Variants in KANSL1L observed in about 807,000 individuals in gnomAD.
KANSL1L encodes the protein KAT8 regulatory NSL complex subunit 1-like protein.
Under a neutral mutation model 108.6 loss-of-function variants are expected in KANSL1L, and 25 were observed. The ratio of observed to expected loss-of-function variants is 0.23; its 90% CI spans 0.17 to 0.32. The LOEUF is 0.32. KANSL1L is among the 10% of genes least tolerant of loss of function. KANSL1L has a pLI of 1.00. For missense variants in KANSL1L, 1,137 were observed against 1,125.7 expected (o/e 1.01, Z -0.14); for synonymous variants, 405 against 395.1 (o/e 1.03, Z -0.30).
At chr2:210,108,563 C>T (rs1008967021) in intron 3 of KANSL1L, among the ~76,000 whole-genome samples, 1 of 152,152 alleles carries the variant, frequency 6.6e-6, no homozygotes, top group Non-Finnish European at 1.5e-5. Context: ...AACCCACTTT[C>T]TTTGAAATAT....
In KANSL1L at chr2:210,156,261, C is replaced by T. The variant is rs1480959985; in HGVS notation, c.-29-1650G>A. ...CCAAACTGATAAAAATTTTTTTTTT[C>T]TGAAAACATCACATACATATCATGA... On this transcript the variant is annotated intron_variant, in intron 1 of 14. Coordinates refer to ENST00000281772, the MANE Select transcript of KANSL1L (RefSeq NM_152519.4). 2.0e-5 allele frequency among the ~76,000 whole-genome samples: 3 copies of T among 151,458 alleles called. No homozygotes were observed. The East Asian group carries it at 5.8e-4, about 29-fold the overall frequency.
intron 3 of KANSL1L, among the ~76,000 whole-genome samples, chr2:210,111,686 A>C (rs541009883): frequency 6.6e-6 from 1 of 152,302 alleles, no homozygotes; most frequent in East Asian, 1.9e-4. Flanking sequence ...CAGAACATCA[A>C]ATAAACAAGA....
chr2:210,127,417 G>C (rs1392121220), intron 3 of KANSL1L, among the ~76,000 whole-genome samples: 1 of 152,040 alleles, frequency 6.6e-6, no homozygotes, highest in Admixed American at 6.6e-5. Flanking sequence ...CAAAGGCACA[G>C]GTAATAAAAG....
Position 210,031,562 on chromosome 2 carries a change from A to G in KANSL1L, c.2030-16T>C. The G allele has an allele frequency of 1.4e-6, 2 of 1,465,470 alleles. No individual in the cohort carries two copies. Among genetic ancestry groups the G allele is most frequent in the Non-Finnish European group, 1.8e-6 (2 of 1,081,152 alleles). 90.8% of individuals were successfully genotyped at this position (1,465,470 alleles called of 1,614,324 possible). Reference sequence around the variant, plus strand: ...GTACTATGTACTAAAACAAATGAAAAGGAAATATTAAGTTTTAGTTCCTTA... The same window carrying G: ...GTACTATGTACTAAAACAAATGAAAGGGAAATATTAAGTTTTAGTTCCTTA... On this transcript the variant is annotated splice_polypyrimidine_tract_variant and intron_variant, in intron 8 of 14. Coordinates refer to ENST00000281772, the MANE Select transcript of KANSL1L (RefSeq NM_152519.4).
At chr2:210,061,182 T>G (rs2094416142) in intron 6 of KANSL1L, among the ~76,000 whole-genome samples, 1 of 152,254 alleles carries the variant, frequency 6.6e-6, no homozygotes, top group African/African-American at 2.4e-5. Context: ...TAGACTGCCC[T>G]AACTCAAAAT....
rs543964016 is a variant in KANSL1L at position 210,057,699 on chromosome 2, A to C, written c.1756-13595T>G. On this transcript the variant is annotated intron_variant, in intron 6 of 14. Coordinates refer to ENST00000281772, the MANE Select transcript of KANSL1L (RefSeq NM_152519.4). ...CATGGCAGAAGAACGTGGATTGTGAAGATTTCATGGACATTTATTAGTTCC... is the reference window on the plus strand; with the variant it reads ...CATGGCAGAAGAACGTGGATTGTGACGATTTCATGGACATTTATTAGTTCC... Among the ~76,000 whole-genome samples the C allele has an allele frequency of 3.9e-5, 6 of 152,362 alleles. No homozygotes were observed. The South Asian group carries it at 6.2e-4, about 16-fold the overall frequency.
At chr2:210,135,086 C>T (rs1316303113) in intron 2 of KANSL1L, among the ~76,000 whole-genome samples, 1 of 152,142 alleles carries the variant, frequency 6.6e-6, no homozygotes, top group Non-Finnish European at 1.5e-5. Flanking sequence ...TTGTAAGGAA[C>T]AGGAACTATC....
chr2:210,139,181 G>C (rs1278703197), intron 2 of KANSL1L, among the ~76,000 whole-genome samples: 3 of 152,150 alleles, frequency 2.0e-5, no homozygotes, highest in Admixed American at 6.5e-5. Flanking sequence ...ATTGTAAGTT[G>C]AGCCATCATA....
intron 2 of KANSL1L, among the ~76,000 whole-genome samples, chr2:210,139,419 T>C (rs1224541827): frequency 1.3e-5 from 2 of 152,204 alleles, no homozygotes; most frequent in Non-Finnish European, 2.9e-5. Flanking sequence ...TTTTGACATA[T>C]ACCCAGAAGT....
chr2:210,143,272 T>G (rs1575608444), intron 2 of KANSL1L, among the ~76,000 whole-genome samples: 1 of 152,156 alleles, frequency 6.6e-6, no homozygotes, highest in Non-Finnish European at 1.5e-5. Flanking sequence ...CTGCTCTCTT[T>G]TGGTTTCCAT....
At chr2:210,125,626 G>A (rs2095059469) in intron 3 of KANSL1L, among the ~76,000 whole-genome samples, 1 of 152,180 alleles carries the variant, frequency 6.6e-6, no homozygotes, top group Non-Finnish European at 1.5e-5. Context: ...CCATGACTGA[G>A]TGAGATTTAT....
At chr2:210,145,180 G>A (rs529408470) in intron 2 of KANSL1L, among the ~76,000 whole-genome samples, 14 of 152,154 alleles carry the variant, frequency 9.2e-5, no homozygotes, top group Non-Finnish European at 1.8e-4. Context: ...TGGTGGGGTC[G>A]GTCCTCCTCA....
intron 6 of KANSL1L, among the ~76,000 whole-genome samples, chr2:210,066,520 T>C (rs1216193404): frequency 6.6e-6 from 1 of 152,202 alleles, no homozygotes; most frequent in Non-Finnish European, 1.5e-5. Flanking sequence ...GTATATGCCC[T>C]GGTAACCACC....
chr2:210,148,722 A>G (rs2095282373), intron 2 of KANSL1L, among the ~76,000 whole-genome samples: 1 of 152,148 alleles, frequency 6.6e-6, no homozygotes, highest in African/African-American at 2.4e-5. Context: ...ACATTTTTGG[A>G]GGAAAAGTAA....
chr2:210,052,513 G>A (rs565892371), intron 6 of KANSL1L, among the ~76,000 whole-genome samples: 2 of 152,108 alleles, frequency 1.3e-5, no homozygotes, highest in Non-Finnish European at 2.9e-5. Flanking sequence ...AAATCTCTGT[G>A]TGGTTTGTTC....
chr2:210,153,790 T>C lies in KANSL1L; in HGVS notation c.793A>G (p.Met265Val), dbSNP rs748938137. Residue 265 changes from methionine to valine, a missense_variant, in exon 2 of 15, where the codon ATG becomes GTG. Coordinates refer to ENST00000281772, the MANE Select transcript of KANSL1L (RefSeq NM_152519.4). Reference protein sequence around the residue: ...KHYGQQMKLSMKHQLPKMKTF... With the variant: ...KHYGQQMKLSVKHQLPKMKTF... ...TTCATTTTGGGGAGTTGATGTTTCA[T>C]AGACAATTTCATCTGCTGACCATAG... The C allele has an allele frequency of 2.9e-5, 47 of 1,612,956 alleles. No individual in the cohort carries two copies. The South Asian group carries it at 3.3e-4, about 11-fold the overall frequency.
intron 2 of KANSL1L, among the ~76,000 whole-genome samples, chr2:210,150,715 G>A (rs1397218989): frequency 6.6e-6 from 1 of 151,528 alleles, no homozygotes; most frequent in Non-Finnish European, 1.5e-5. Context: ...CCAGGACGTG[G>A]AGGTTGCAGT....
intron 5 of KANSL1L, among the ~76,000 whole-genome samples, chr2:210,091,506 C>T (rs1247798467): frequency 2.0e-5 from 3 of 152,172 alleles, no homozygotes; most frequent in African/African-American, 4.8e-5. Flanking sequence ...AACCACCACT[C>T]ACAGGTCAAG....
intron 6 of KANSL1L, among the ~76,000 whole-genome samples, chr2:210,064,987 G>A (rs2094453764): frequency 6.6e-6 from 1 of 151,894 alleles, no homozygotes. Flanking sequence ...ATAAAGTATG[G>A]ATGGTGTAGG....
Sources: gnomAD v4.1 joint callset for allele counts (sites outside exome capture counted in the v4.1 genomes callset) on GRCh38, gnomAD v4.1.1 for gene constraint, MANE v1.5 for transcripts, NCBI Gene and HGNC (gene_info 2026-07-23, HGNC 2026-07-21) for gene names.